Variants in MED12L observed in about 807,000 individuals in gnomAD.
MED12L encodes the protein mediator complex subunit 12L, also known as mediator of RNA polymerase II transcription subunit 12-like protein.
Under a neutral mutation model 281.3 loss-of-function variants are expected in MED12L, and 60 were observed. That is an observed-to-expected ratio of 0.21 (90% confidence interval 0.17 to 0.26). The LOEUF (loss-of-function observed/expected upper bound fraction) is 0.26. Among genes scored for constraint, MED12L ranks in the 10% least tolerant of loss-of-function variants. The probability of loss-of-function intolerance (pLI) is 1.00; values close to 1 mark genes in which losing one functional copy is unlikely to be tolerated. For synonymous variants in MED12L, 974 were observed against 987.2 expected, an observed-to-expected ratio of 0.99 and a Z score of 0.25; for missense variants, 2,146 against 2,680.9, an observed-to-expected ratio of 0.80 and a Z score of 4.41.
At chr3:151,215,657 G>A (rs1312862613) in intron 16 of MED12L, among the ~76,000 whole-genome samples, 1 of 152,122 alleles carries the variant, frequency 6.6e-6, no homozygotes, top group African/African-American at 2.4e-5. Flanking sequence ...AAATTCAAAA[G>A]GTTATTTGAT....
At chr3:151,243,682 T>C (rs1386547784) in intron 16 of MED12L, among the ~76,000 whole-genome samples, 3 of 151,770 alleles carry the variant, frequency 2.0e-5, no homozygotes, top group Non-Finnish European at 4.4e-5. Context: ...GTAAAGACCA[T>C]CAAGACTAGG....
chr3:151,330,770 A>T (rs1258320082), intron 16 of MED12L, among the ~76,000 whole-genome samples: 12 of 152,180 alleles, frequency 7.9e-5, no homozygotes, highest in African/African-American at 2.7e-4. Context: ...ACAGTTTGAA[A>T]AATTTCTCTT....
At chr3:151,120,080 C>T (rs918715611) in intron 3 of MED12L, among the ~76,000 whole-genome samples, 1 of 149,206 alleles carries the variant, frequency 6.7e-6, no homozygotes, top group African/African-American at 2.5e-5. Flanking sequence ...AAAAAATTAG[C>T]TGGGTGTGGT....
At position 151,372,720 on chromosome 3, in the gene MED12L, A is replaced by G. The variant is rs201197253; in HGVS notation, c.3818A>G (p.Asn1273Ser). 63 of 1,613,924 alleles carry G rather than the reference A, an allele frequency of 3.9e-5. No individual in the cohort carries two copies. The highest frequency in any genetic ancestry group is 2.0e-4 in the Admixed American group (12 of 60,014). Residue 1273 changes from asparagine to serine, a missense_variant, in exon 27 of 45, where the codon AAT becomes AGT. Transcript: ENST00000687756. ...CGKSISIETA[N>S]LREYARYVLR... ...AAAAGCATTTCCATAGAAACTGCCA[A>G]TTTAAGAGAATACGCTAGATATGTA...
chr3:151,369,483 G>A lies in MED12L; in HGVS notation c.3598G>A (p.Ala1200Thr). The A allele has an allele frequency of 6.2e-7, 1 of 1,612,142 alleles. No homozygotes were observed. Among genetic ancestry groups the A allele is most frequent in the Non-Finnish European group, 8.5e-7 (1 of 1,178,820 alleles). ...ATCATCTTGTGATAGACACCTCTTA[G>A]CCGCTGCTCACAACAGCATTGAAGT... ...IRSSCDRHLL[A>T]AAHNSIEVGA... is the part of the protein sequence containing the mutation. Residue 1200 changes from alanine (A) to threonine (T), a missense_variant, in exon 26 of 45, where the codon GCC (alanine) becomes ACC (threonine). Ala to Thr is a moderately conservative substitution (Grantham distance 58, BLOSUM62 0). Coordinates refer to ENST00000687756, the MANE Select transcript of MED12L (RefSeq NM_001393769.1).
intron 40 of MED12L, among the ~76,000 whole-genome samples, 159 bp downstream of exon 40, chr3:151,409,491 CA>C (rs1365021204): frequency 2.0e-5 from 3 of 152,192 alleles, no homozygotes; most frequent in Non-Finnish European, 2.9e-5. Flanking sequence ...AAAGCATGAT[CA>C]GGATTGTTGA....
chr3:151,207,972 CT>C (rs1265032609), intron 16 of MED12L, among the ~76,000 whole-genome samples: 1 of 152,078 alleles, frequency 6.6e-6, no homozygotes, highest in Non-Finnish European at 1.5e-5. Flanking sequence ...TTATTTTATT[CT>C]TTTTCATTTA....
chr3:151,430,758 C>T (rs918876160), intron 44 of MED12L, among the ~76,000 whole-genome samples: 2 of 146,972 alleles, frequency 1.4e-5, no homozygotes, highest in South Asian at 4.4e-4. Context: ...GCTGGCCTCC[C>T]GAAGATCTTC....
chr3:151,179,255 G>A (rs952420546), intron 11 of MED12L, among the ~76,000 whole-genome samples: 26 of 151,880 alleles, frequency 1.7e-4, no homozygotes, highest in Non-Finnish European at 3.8e-4. Flanking sequence ...CAGGAGAATC[G>A]CTTGAACCCA....
chr3:151,325,094 A>C (rs1409538837), intron 16 of MED12L, among the ~76,000 whole-genome samples: 2 of 152,234 alleles, frequency 1.3e-5, no homozygotes, highest in African/African-American at 4.8e-5. Context: ...TTTTAAATGG[A>C]TATGGAATGT....
At chr3:151,108,461 C>T (rs1310830399) in intron 2 of MED12L, among the ~76,000 whole-genome samples, 1 of 152,090 alleles carries the variant, frequency 6.6e-6, no homozygotes, top group Non-Finnish European at 1.5e-5. Context: ...GCCCAGTTTC[C>T]CAAACTGGGG....
chr3:151,318,598 A>G (rs1453546199), intron 16 of MED12L, among the ~76,000 whole-genome samples: 1 of 152,222 alleles, frequency 6.6e-6, no homozygotes, highest in East Asian at 1.9e-4. Flanking sequence ...CCATAAAAGT[A>G]TGTTGTGCAA....
intron 16 of MED12L, among the ~76,000 whole-genome samples, chr3:151,330,599 G>A (rs1577348160): frequency 6.6e-6 from 1 of 152,280 alleles, no homozygotes; most frequent in Middle Eastern, 3.4e-3. Context: ...CTTGCCACAA[G>A]TGTTACCATG....
intron 16 of MED12L, among the ~76,000 whole-genome samples, chr3:151,314,292 G>A (rs1445948165): frequency 3.3e-5 from 5 of 152,202 alleles, no homozygotes; most frequent in African/African-American, 1.2e-4. Flanking sequence ...ACAAGATAGA[G>A]AACAAATATT....
In MED12L at chr3:151,190,816, T is replaced by C; in HGVS notation, c.1853T>C (p.Met618Thr). ...GATGTCTTCTCCCATGACGCATACA[T>C]GTGTACCCTCATATCTCGAGGAGAT... ...RHDVFSHDAY[M>T]CTLISRGDLS... The change falls in exon 14 of 45, where the codon ATG (methionine) becomes ACG (threonine). Residue 618 changes from methionine to threonine, a missense_variant. Transcript: ENST00000687756. The C allele has an allele frequency of 6.2e-7, 1 of 1,614,212 alleles. No individual in the cohort carries two copies. Among genetic ancestry groups the C allele is most frequent in the Non-Finnish European group, 8.5e-7 (1 of 1,180,036 alleles).
chr3:151,312,217 G>A (rs1577305119), intron 16 of MED12L, among the ~76,000 whole-genome samples: 3 of 152,290 alleles, frequency 2.0e-5, no homozygotes, highest in East Asian at 1.9e-4. Flanking sequence ...CATCCACCCC[G>A]AAAAGAGTAT....
intron 16 of MED12L, among the ~76,000 whole-genome samples, chr3:151,291,752 A>G (rs1405796438): frequency 6.6e-6 from 1 of 152,202 alleles, no homozygotes; most frequent in Non-Finnish European, 1.5e-5. Flanking sequence ...TATTTAGCTC[A>G]TGTAAATGAT....
rs1341267465 is a variant in MED12L at position 151,187,064 on chromosome 3, A to G, written c.1627-1290A>G. ...TTTCTCTTCCTGTTAGGAAAGTTGT[A>G]TTCACCAAAAACGAAAGATCATATT... is the stretch of plus-strand genomic sequence containing the variant. On this transcript the variant is annotated intron_variant, in intron 12 of 44. Coordinates refer to ENST00000687756, the MANE Select transcript of MED12L (RefSeq NM_001393769.1). Among the ~76,000 whole-genome samples, 3 of 152,252 alleles carry G rather than the reference A, an allele frequency of 2.0e-5. No individual in the cohort carries two copies. In the South Asian group the frequency reaches 6.2e-4, roughly 31 times the overall value.
intron 16 of MED12L, chr3:151,328,691 A>G: frequency 6.2e-7 from 1 of 1,614,050 alleles, no homozygotes; most frequent in Non-Finnish European, 8.5e-7. Context: ...CTCATAAAAT[A>G]TCACCGAAGA....
Sources: gnomAD v4.1 joint callset for allele counts (sites outside exome capture counted in the v4.1 genomes callset) on GRCh38, gnomAD v4.1.1 for gene constraint, MANE v1.5 for transcripts, NCBI Gene and HGNC (gene_info 2026-07-23, HGNC 2026-07-21) for gene names.